RBM14: variants seen among roughly 807,000 people sequenced by gnomAD.
RBM14 encodes RNA binding motif protein 14.
A neutral mutation model predicts 52.8 loss-of-function variants in RBM14; 5 were observed. The ratio of observed to expected loss-of-function variants is 0.09; its 90% CI spans 0.05 to 0.20. RBM14 has a LOEUF of 0.20. RBM14 is among the 10% of genes least tolerant of loss of function. RBM14 has a pLI of 1.00. For missense variants in RBM14, 780 were observed against 926.6 expected (o/e 0.84, Z 2.05); for synonymous variants, 411 against 401.8 (o/e 1.02, Z -0.28).
In RBM14 at chr11:66,617,107, C is replaced by T. The variant is rs552610173; in HGVS notation, c.337+50C>T. On this transcript the variant is annotated intron_variant, in intron 1 of 2. Transcript: ENST00000310137. ...CGGGGGCGCGCTCGGGGCACTCTGCCTGTTAGCCACGCCCCTTACCCGGGG... is the reference window on the plus strand; with the variant it reads ...CGGGGGCGCGCTCGGGGCACTCTGCTTGTTAGCCACGCCCCTTACCCGGGG... The T allele has an allele frequency of 9.8e-6, 15 of 1,534,680 alleles. No homozygotes were observed. In the East Asian group the frequency reaches 1.4e-4, roughly 14 times the overall value.
Position 66,628,637 on chromosome 11 carries a change from C to G in RBM14, c.*1969C>G, listed in dbSNP as rs2135031197. Among the ~76,000 whole-genome samples the G allele has an allele frequency of 6.6e-6, 1 of 152,180 alleles. No individual in the cohort carries two copies. Among genetic ancestry groups the G allele is most frequent in the Non-Finnish European group, 1.5e-5 (1 of 67,992 alleles). On this transcript the variant is annotated 3_prime_UTR_variant, in exon 3 of 3. Transcript: ENST00000310137. ...TTATTTCTTTGCAGGACTGGGAAAG[C>G]ATGGGAGGAGGATTTTGATAAGTTT...
At chr11:66,623,466 G>T (rs2135017583) in intron 1 of RBM14, among the ~76,000 whole-genome samples, 1 of 152,326 alleles carries the variant, frequency 6.6e-6, no homozygotes, top group African/African-American at 2.4e-5. Context: ...GAAGAGCTGT[G>T]ATTCTGGTCC....
chr11:66,617,150 T>G, intron 1 of RBM14, 93 bp downstream of exon 1: 4 of 1,490,760 alleles, frequency 2.7e-6, no homozygotes, highest in Non-Finnish European at 3.5e-6. Context: ...ACTGCGCGGT[T>G]GGGAGGGGTG....
rs1311004919 is a variant in RBM14 at position 66,624,693 on chromosome 11, T to C, written c.817T>C (p.Tyr273His). 1 of 1,613,746 alleles carries C rather than the reference T, an allele frequency of 6.2e-7. No individual in the cohort carries two copies. The highest frequency in any genetic ancestry group is 1.3e-5 in the African/African-American group (1 of 74,896). Residue 273 changes from tyrosine (Y) to histidine (H), a missense_variant, in exon 2 of 3, where the codon TAC becomes CAC. Tyr to His is a moderately conservative substitution (Grantham distance 83). This residue lies in a region of RBM14 where 675 missense variants were observed against 697.3 expected (regional missense o/e 0.97). Transcript: ENST00000310137. The surrounding 1 kb of genome is among the most constrained non-coding windows in gnomAD (Gnocchi z 4.7). ...TQPMTAQAASYRAQPSVSLGA... is the reference protein window; with the variant it reads ...TQPMTAQAASHRAQPSVSLGA... Reference sequence around the variant, plus strand: ...GCCCATGACAGCCCAGGCAGCCTCTTACCGCGCTCAGCCCTCTGTCTCCCT... The same window carrying C: ...GCCCATGACAGCCCAGGCAGCCTCTCACCGCGCTCAGCCCTCTGTCTCCCT...
chr11:66,624,192 C>T lies in RBM14; in HGVS notation c.338-22C>T, dbSNP rs947978961. The T allele has an allele frequency of 5.1e-6, 8 of 1,555,840 alleles. No homozygotes were observed. The highest frequency in any genetic ancestry group is 7.0e-6 in the Non-Finnish European group (8 of 1,147,912). On this transcript the variant is annotated intron_variant, in intron 1 of 2. Coordinates refer to ENST00000310137, the MANE Select transcript of RBM14 (RefSeq NM_006328.4). This position sits in a 1 kb window ranked among gnomAD's most constrained non-coding sequence, Gnocchi z 4.7. ...ATGCCCTGCCCCCCTAATTGCTAAC[C>T]CTCTGTCTGCTGCTTTATCAGACTA...
Position 66,616,672 on chromosome 11 carries a change from C to T in RBM14, c.-49C>T, listed in dbSNP as rs76192789. The T allele has an allele frequency of 1.7e-3, 2,630 of 1,526,782 alleles. 41 individuals carry two copies. The African/African-American group carries it at 0.031, about 18-fold the overall frequency. The allele number at this position is 1,526,782 out of a possible 1,614,324, so 94.6% of individuals were successfully genotyped here. The stretch of plus-strand genomic sequence containing the variant: ...CCGGTCGTTCGGACGTCTTGCCTGT[C>T]GCTGGAGGAGAGGTCCGGGCTCTCC... On this transcript the variant is annotated 5_prime_UTR_variant, in exon 1 of 3. Transcript: ENST00000310137.
chr11:66,621,727 G>A (rs1020498770), intron 1 of RBM14, among the ~76,000 whole-genome samples: 70 of 152,102 alleles, frequency 4.6e-4, no homozygotes, highest in Non-Finnish European at 3.8e-4. Flanking sequence ...GCATGGCATT[G>A]TGTTTTGCTT....
chr11:66,625,011 G>A lies in RBM14; in HGVS notation c.1135G>A (p.Ala379Thr). ...AGCTTCCTCCTTAGGCTCCTACGGG[G>A]CTCAGGCAGCCTCCTATGGGGCCCA... is the stretch of plus-strand genomic sequence containing the variant. ...GAASSLGSYG[A>T]QAASYGAQSA... Residue 379 changes from alanine to threonine, a missense_variant, in exon 2 of 3, where the codon GCT becomes ACT. Around this residue, in one of 4 missense-constraint regions of RBM14, gnomAD observed 675 missense variants for 697.3 expected, o/e 0.97. Coordinates refer to ENST00000310137, the MANE Select transcript of RBM14 (RefSeq NM_006328.4). This position sits in a 1 kb window ranked among gnomAD's most constrained non-coding sequence, Gnocchi z 4.2. 1 of 1,613,638 alleles carries A rather than the reference G, an allele frequency of 6.2e-7. No individual in the cohort carries two copies.
chr11:66,622,619 T>A (rs1859167879), intron 1 of RBM14, among the ~76,000 whole-genome samples: 1 of 152,248 alleles, frequency 6.6e-6, no homozygotes, highest in Admixed American at 6.5e-5. Context: ...CCTTTTGTGC[T>A]ATGCCACACT....
Position 66,625,727 on chromosome 11 carries a change from G to T in RBM14, c.1802+49G>T. ...GCCCCCAGCTGGGGCTTAGGGCAAG[G>T]GGCTGAGGTTGGCATGGGAGGGAAA... On this transcript the variant is annotated intron_variant, in intron 2 of 2. Coordinates refer to ENST00000310137, the MANE Select transcript of RBM14 (RefSeq NM_006328.4). This position sits in a 1 kb window ranked among gnomAD's most constrained non-coding sequence, Gnocchi z 4.2. 1 of 1,434,278 alleles carries T rather than the reference G, an allele frequency of 7.0e-7. No individual in the cohort carries two copies. The highest frequency in any genetic ancestry group is 9.4e-7 in the Non-Finnish European group (1 of 1,060,824). 88.8% of individuals were successfully genotyped at this position (1,434,278 alleles called of 1,614,324 possible).
Position 66,624,948 on chromosome 11 carries a change from G to A in RBM14, c.1072G>A (p.Val358Ile). The change falls in exon 2 of 3, where the codon GTT (valine) becomes ATT (isoleucine). Residue 358 changes from valine (V) to isoleucine (I), a missense_variant. By Grantham distance (29) the Val-to-Ile change is conservative. Around this residue, in one of 4 missense-constraint regions of RBM14, gnomAD observed 675 missense variants for 697.3 expected, o/e 0.97. Coordinates refer to ENST00000310137, the MANE Select transcript of RBM14 (RefSeq NM_006328.4). The surrounding 1 kb of genome is among the most constrained non-coding windows in gnomAD (Gnocchi z 4.7). Reference sequence around the variant, plus strand: ...CGCCCAGGCTGCCTCTTCCTATGGGGTTCGTGCAGCTGCTTCTTCCTACAA... The same window carrying A: ...CGCCCAGGCTGCCTCTTCCTATGGGATTCGTGCAGCTGCTTCTTCCTACAA... ...YGAQAASSYGVRAAASSYNTQ... is the reference protein window; with the variant it reads ...YGAQAASSYGIRAAASSYNTQ... 1.9e-6 allele frequency: 3 copies of A among 1,613,980 alleles called. No homozygotes were observed. The highest frequency in any genetic ancestry group is 2.5e-6 in the Non-Finnish European group (3 of 1,179,968).
chr11:66,624,729 T>C lies in RBM14; in HGVS notation c.853T>C (p.Tyr285His). Residue 285 changes from tyrosine (Y) to histidine (H), a missense_variant, in exon 2 of 3, where the codon TAC (tyrosine) becomes CAC (histidine). Tyr to His is a moderately conservative substitution (Grantham distance 83). Around this residue, in one of 4 missense-constraint regions of RBM14, gnomAD observed 675 missense variants for 697.3 expected, o/e 0.97. Transcript: ENST00000310137. This position sits in a 1 kb window ranked among gnomAD's most constrained non-coding sequence, Gnocchi z 4.7. ...AQPSVSLGAPYRGQLASPSSQ... is the reference protein window; with the variant it reads ...AQPSVSLGAPHRGQLASPSSQ... ...GCCCTCTGTCTCCCTTGGGGCACCA[T>C]ACAGGGGCCAGCTGGCTAGTCCTAG... is the stretch of plus-strand genomic sequence containing the variant. 1 of 1,614,016 alleles carries C rather than the reference T, an allele frequency of 6.2e-7. No homozygotes were observed. Among genetic ancestry groups the C allele is most frequent in the Non-Finnish European group, 8.5e-7 (1 of 1,179,970 alleles).
At position 66,625,601 on chromosome 11, in the gene RBM14, C is replaced by T. The variant is rs936801956; in HGVS notation, c.1725C>T (p.Pro575=). ...CCAACGCCAACAGCACCCCGCCGCCCTATGAGCGTACCCGCCTCTCCCCAC... is the reference window on the plus strand; with the variant it reads ...CCAACGCCAACAGCACCCCGCCGCCTTATGAGCGTACCCGCCTCTCCCCAC... ...AVANANSTPP[P]YERTRLSPPR... is the part of the protein sequence containing the mutation. Residue 575 remains proline, a synonymous_variant, in exon 2 of 3, where the codon CCC becomes CCT. Transcript: ENST00000310137. This position sits in a 1 kb window ranked among gnomAD's most constrained non-coding sequence, Gnocchi z 4.2. 2 of 1,609,914 alleles carry T rather than the reference C, an allele frequency of 1.2e-6. No homozygotes were observed. Among genetic ancestry groups the T allele is most frequent in the Admixed American group, 3.3e-5 (2 of 59,928 alleles).
rs577325864 is a variant in RBM14 at position 66,625,780 on chromosome 11, T to A, written c.1802+102T>A. On this transcript the variant is annotated intron_variant, in intron 2 of 2. Coordinates refer to ENST00000310137, the MANE Select transcript of RBM14 (RefSeq NM_006328.4). The surrounding 1 kb of genome is among the most constrained non-coding windows in gnomAD (Gnocchi z 4.2). Reference sequence around the variant, plus strand: ...GGAGGCATCGGCCCCTCCCTCGGTCTTCTCTTCTCTATTTTTGTGGGATGT... The same window carrying A: ...GGAGGCATCGGCCCCTCCCTCGGTCATCTCTTCTCTATTTTTGTGGGATGT... The A allele has an allele frequency of 2.0e-5, 16 of 788,244 alleles. No individual in the cohort carries two copies. The African/African-American group carries it at 2.8e-4, about 14-fold the overall frequency. 48.8% of individuals were successfully genotyped at this position (788,244 alleles called of 1,614,324 possible). A position where few individuals can be genotyped will look rare whatever the true frequency, so the allele number is the denominator to read the frequency against.
intron 1 of RBM14, among the ~76,000 whole-genome samples, chr11:66,620,655 A>T (rs1590842513): frequency 6.6e-6 from 1 of 152,294 alleles, no homozygotes; most frequent in East Asian, 1.9e-4. Flanking sequence ...AGTCATTTGA[A>T]TCATACATGT....
chr11:66,620,252 A>G (rs879354249), intron 1 of RBM14, among the ~76,000 whole-genome samples: 1 of 152,172 alleles, frequency 6.6e-6, no homozygotes. Flanking sequence ...CAATTTGGTT[A>G]TAATTGTATC....
In RBM14 at chr11:66,624,503, C is replaced by T. The variant is rs1477578914; in HGVS notation, c.627C>T (p.Phe209=). The T allele has an allele frequency of 3.1e-6, 5 of 1,612,858 alleles. No homozygotes were observed. The East Asian group carries it at 8.9e-5, about 29-fold the overall frequency. ...DGQARQPTPP[F]FGRDRSPLRR... is the part of the protein sequence containing the mutation. ...AAGCCCGTCAGCCCACACCACCCTT[C>T]TTTGGTCGCGACCGCAGCCCTCTGC... Residue 209 remains phenylalanine (F), a synonymous_variant, in exon 2 of 3, where the codon TTC becomes TTT. Transcript: ENST00000310137. This position sits in a 1 kb window ranked among gnomAD's most constrained non-coding sequence, Gnocchi z 4.7.
rs974373333 is a variant in RBM14, at chr11:66,624,033, G to C, written c.338-181G>C. ...GGCTGTAGGCAAAGATGACTGCTTG[G>C]GACAGTCAGAAGCTTTGTTATATGG... On this transcript the variant is annotated intron_variant, in intron 1 of 2. Coordinates refer to ENST00000310137, the MANE Select transcript of RBM14 (RefSeq NM_006328.4). This position sits in a 1 kb window ranked among gnomAD's most constrained non-coding sequence, Gnocchi z 4.7. 18 of 1,045,500 alleles carry C rather than the reference G, an allele frequency of 1.7e-5. No homozygotes were observed. The African/African-American group carries it at 2.5e-4, about 15-fold the overall frequency. The allele number at this position is 1,045,500 out of a possible 1,614,324, so 64.8% of individuals were successfully genotyped here.
In RBM14 at chr11:66,624,687, G is replaced by T; in HGVS notation, c.811G>T (p.Ala271Ser). Residue 271 changes from alanine (A) to serine (S), a missense_variant, in exon 2 of 3, where the codon GCC becomes TCC. By Grantham distance (99) the Ala-to-Ser change is moderately conservative (BLOSUM62 1). Transcript: ENST00000310137. This position sits in a 1 kb window ranked among gnomAD's most constrained non-coding sequence, Gnocchi z 4.7. ...GACTCAGCCCATGACAGCCCAGGCAGCCTCTTACCGCGCTCAGCCCTCTGT... is the reference window on the plus strand; with the variant it reads ...GACTCAGCCCATGACAGCCCAGGCATCCTCTTACCGCGCTCAGCCCTCTGT... ...YRTQPMTAQA[A>S]SYRAQPSVSL... 1 of 1,613,614 alleles carries T rather than the reference G, an allele frequency of 6.2e-7. No homozygotes were observed. Among genetic ancestry groups the T allele is most frequent in the Non-Finnish European group, 8.5e-7 (1 of 1,179,776 alleles).
Sources: allele counts gnomAD v4.1 joint callset (sites outside exome capture counted in the v4.1 genomes callset), GRCh38; gene constraint gnomAD v4.1.1; regional missense constraint gnomAD v4.1.1; non-coding constraint Gnocchi (gnomAD v3.1); transcripts MANE v1.5; gene names NCBI Gene and HGNC (gene_info 2026-07-23, HGNC 2026-07-21).